The following GBP6 variants were observed in gnomAD, a reference collection of about 807,000 sequenced individuals.
GBP6 encodes the protein guanylate-binding protein 6.
In GBP6, 54 loss-of-function variants were observed where a neutral mutation model predicts 61.5. The ratio of observed to expected loss-of-function variants is 0.88; its 90% CI spans 0.71 to 1.10. GBP6 has a LOEUF of 1.10. Among genes scored for constraint, GBP6 ranks in the 50% least tolerant of loss-of-function variants. The pLI, the probability that GBP6 is intolerant of heterozygous loss-of-function variation, is 0.00. For missense variants in GBP6, 748 were observed against 752.8 expected, an observed-to-expected ratio of 0.99 and a Z score of 0.07; for synonymous variants, 255 against 273.7, an observed-to-expected ratio of 0.93 and a Z score of 0.67.
chr1:89,383,654 A>C lies in GBP6; in HGVS notation c.1368A>C (p.Ala456=), dbSNP rs144443792. The C allele has an allele frequency of 1.5e-5, 24 of 1,603,200 alleles. No homozygotes were observed. The highest frequency in any genetic ancestry group is 4.0e-5 in the African/African-American group (3 of 74,222). The change falls in exon 9 of 11, where the codon GCA becomes GCC. Residue 456 remains alanine (A), a splice_region_variant and synonymous_variant. Coordinates refer to ENST00000370456, the MANE Select transcript of GBP6 (RefSeq NM_198460.3). ...YWQVPRKGVK[A]KEVFQRFLES... ...AGTGCTTTTTCTTCCTTCCATAGGC[A>C]AAAGAGGTCTTCCAGAGGTTCCTGG...
chr1:89,385,260 A>C lies in GBP6; in HGVS notation c.1693A>C (p.Lys565Gln). Residue 565 changes from lysine to glutamine, a missense_variant, in exon 11 of 11, where the codon AAG becomes CAG. By Grantham distance (53) the Lys-to-Gln change is moderately conservative. Coordinates refer to ENST00000370456, the MANE Select transcript of GBP6 (RefSeq NM_198460.3). ...AAATGATTGGCTTCATGAAGGATTT[A>C]AGAAGAAGTATGAGGAGATGAATGC... ...VQNDWLHEGF[K>Q]KKYEEMNAEI... The C allele has an allele frequency of 6.2e-7, 1 of 1,613,864 alleles. No homozygotes were observed. Among genetic ancestry groups the C allele is most frequent in the East Asian group, 2.2e-5 (1 of 44,874 alleles).
intron 3 of GBP6, among the ~76,000 whole-genome samples, chr1:89,374,974 G>A (rs919182380): frequency 2.6e-5 from 4 of 151,822 alleles, no homozygotes; most frequent in Non-Finnish European, 5.9e-5. Flanking sequence ...CTATATGTCC[G>A]TATGTTCTTA....
intron 3 of GBP6, among the ~76,000 whole-genome samples, chr1:89,372,394 T>A (rs372370747): frequency 6.6e-6 from 1 of 152,150 alleles, no homozygotes; most frequent in Non-Finnish European, 1.5e-5. Context: ...GGAGGCATCA[T>A]GCTACCTGAC....
At chr1:89,383,163 T>C (rs1215692751) in intron 8 of GBP6, among the ~76,000 whole-genome samples, 1 of 152,148 alleles carries the variant, frequency 6.6e-6, no homozygotes, top group African/African-American at 2.4e-5. Flanking sequence ...TACAGTATAC[T>C]GTTAAATTCT....
chr1:89,380,662 C>T (rs762587711), intron 6 of GBP6, 31 bp downstream of exon 6: 10 of 1,603,602 alleles, frequency 6.2e-6, no homozygotes, highest in South Asian at 3.3e-5. Flanking sequence ...TCTGTGGGGC[C>T]TCATGTGTGT....
At chr1:89,366,401 C>T (rs1326026074) in intron 1 of GBP6, among the ~76,000 whole-genome samples, 3 of 152,146 alleles carry the variant, frequency 2.0e-5, no homozygotes, top group Admixed American at 1.3e-4. Flanking sequence ...CCTGTATTCT[C>T]TAGAGTTTTC....
chr1:89,373,659 C>T (rs187171614), intron 3 of GBP6, among the ~76,000 whole-genome samples: 1 of 151,952 alleles, frequency 6.6e-6, no homozygotes, highest in South Asian at 2.1e-4. Flanking sequence ...ACACCAGGGC[C>T]TGTCGTGAGG....
rs921441019 is a variant in GBP6 at position 89,385,657 on chromosome 1, C to A, written c.*188C>A. Reference sequence around the variant, plus strand: ...CAAGAGATTCACCTGCCTCAGCCCCCTAGTAGCTGGGATTATAGGTGTACA... The same window carrying A: ...CAAGAGATTCACCTGCCTCAGCCCCATAGTAGCTGGGATTATAGGTGTACA... On this transcript the variant is annotated 3_prime_UTR_variant, in exon 11 of 11. Coordinates refer to ENST00000370456, the MANE Select transcript of GBP6 (RefSeq NM_198460.3). The A allele has an allele frequency of 3.6e-6, 2 of 559,030 alleles. No individual in the cohort carries two copies. The highest frequency in any genetic ancestry group is 6.2e-6 in the Non-Finnish European group (2 of 321,104). 34.6% of individuals were successfully genotyped at this position (559,030 alleles called of 1,614,324 possible).
At chr1:89,368,824 A>G (rs919800121) in intron 2 of GBP6, 83 bp downstream of exon 2, 4 of 1,287,666 alleles carry the variant, frequency 3.1e-6, no homozygotes, top group Non-Finnish European at 4.3e-6. Context: ...AGAGCACATG[A>G]AGGTAGACTC....
At position 89,378,577 on chromosome 1, in the gene GBP6, G is replaced by A. The variant is rs1223642196; in HGVS notation, c.589G>A (p.Asp197Asn). 2 of 1,613,614 alleles carry A rather than the reference G, an allele frequency of 1.2e-6. No homozygotes were observed. Among genetic ancestry groups the A allele is most frequent in the African/African-American group, 2.7e-5 (2 of 74,902 alleles). The change falls in exon 5 of 11, where the codon GAT (aspartate) becomes AAT (asparagine). Residue 197 changes from aspartate (D) to asparagine (N), a missense_variant. By Grantham distance (23) the Asp-to-Asn change is conservative. Coordinates refer to ENST00000370456, the MANE Select transcript of GBP6 (RefSeq NM_198460.3). ...LKLNGHPITEDEYLENALKLI... is the reference protein window; with the variant it reads ...LKLNGHPITENEYLENALKLI... ...GTTGAACGGTCACCCTATCACAGAA[G>A]ATGAATACCTGGAGAATGCCTTGAA...
chr1:89,383,576 A>G lies in GBP6; in HGVS notation c.1366-76A>G, dbSNP rs1221081340. 7 of 1,073,724 alleles carry G rather than the reference A, an allele frequency of 6.5e-6. No individual in the cohort carries two copies. The African/African-American group carries it at 9.7e-5, about 15-fold the overall frequency. The allele number at this position is 1,073,724 out of a possible 1,614,324, so 66.5% of individuals were successfully genotyped here. Reference sequence around the variant, plus strand: ...GGCATAAAGCAAAAGTTACAAGACCATAATTGTTCTTGCAACACTAATACC... The same window carrying G: ...GGCATAAAGCAAAAGTTACAAGACCGTAATTGTTCTTGCAACACTAATACC... On this transcript the variant is annotated intron_variant, in intron 8 of 10. Transcript: ENST00000370456.
At chr1:89,366,824 C>T (rs1390515085) in intron 1 of GBP6, among the ~76,000 whole-genome samples, 1 of 152,186 alleles carries the variant, frequency 6.6e-6, no homozygotes, top group Non-Finnish European at 1.5e-5. Context: ...AATGATTCTG[C>T]ATTCCCTCCT....
intron 3 of GBP6, among the ~76,000 whole-genome samples, chr1:89,371,459 T>C (rs1347179547): frequency 1.3e-5 from 2 of 152,130 alleles, no homozygotes; most frequent in Non-Finnish European, 2.9e-5. Flanking sequence ...AAAAAGCTTA[T>C]CCACCATGAT....
chr1:89,377,347 G>A (rs1039590850), intron 3 of GBP6, among the ~76,000 whole-genome samples: 1 of 151,946 alleles, frequency 6.6e-6, no homozygotes, highest in Non-Finnish European at 1.5e-5. Flanking sequence ...TGTTTCTGTG[G>A]GTCTTTCTAC....
chr1:89,374,584 A>G (rs1353560430), intron 3 of GBP6, among the ~76,000 whole-genome samples: 1 of 152,150 alleles, frequency 6.6e-6, no homozygotes, highest in African/African-American at 2.4e-5. Flanking sequence ...TCTTGCCGAC[A>G]ATTGTTATTT....
chr1:89,373,027 A>G (rs1404356218), intron 3 of GBP6, among the ~76,000 whole-genome samples: 4 of 152,224 alleles, frequency 2.6e-5, no homozygotes, highest in Admixed American at 6.5e-5. Flanking sequence ...CACTTCTCAA[A>G]AGAAGACATT....
rs1653168827 is a variant in GBP6, at chr1:89,387,252, C to G, written c.*1783C>G. ...CATATACTAGGGAAATACAAACACC[C>G]AAATATTTCAAGGACCCTTGGAATC... On this transcript the variant is annotated 3_prime_UTR_variant, in exon 11 of 11. Coordinates refer to ENST00000370456, the MANE Select transcript of GBP6 (RefSeq NM_198460.3). Among the ~76,000 whole-genome samples, 1 of 152,066 alleles carries G rather than the reference C, an allele frequency of 6.6e-6. No homozygotes were observed. The highest frequency in any genetic ancestry group is 1.5e-5 in the Non-Finnish European group (1 of 68,016).
intron 3 of GBP6, among the ~76,000 whole-genome samples, chr1:89,374,486 T>C (rs1652747660): frequency 6.6e-6 from 1 of 152,190 alleles, no homozygotes; most frequent in African/African-American, 2.4e-5. Flanking sequence ...GTTCTATTTT[T>C]AATTTTTTGA....
At chr1:89,378,739 G>T (rs574469896) in intron 5 of GBP6, 126 bp downstream of exon 5, 14 of 704,782 alleles carry the variant, frequency 2.0e-5, no homozygotes, top group Non-Finnish European at 3.1e-5. Flanking sequence ...CGGGGACTGA[G>T]GGGTATGTTG....
Sources: gnomAD v4.1 joint callset for allele counts (sites outside exome capture counted in the v4.1 genomes callset) on GRCh38, gnomAD v4.1.1 for gene constraint, MANE v1.5 for transcripts, NCBI Gene and HGNC (gene_info 2026-07-23, HGNC 2026-07-21) for gene names.